Variants in DSTN observed in about 807,000 individuals in gnomAD.
The protein encoded by DSTN is destrin, actin depolymerizing factor.
In DSTN, 10 loss-of-function variants were observed where a neutral mutation model predicts 16.8. The observed-to-expected ratio is 0.60, with a 90% CI of 0.37 to 1.01. The LOEUF is 1.01. Among genes scored for constraint, DSTN ranks in the 50% least tolerant of loss-of-function variants. DSTN has a pLI of 0.01. For synonymous variants in DSTN, 57 were observed against 58.9 expected, an observed-to-expected ratio of 0.97 and a Z score of 0.14; for missense variants, 141 against 196.7, an observed-to-expected ratio of 0.72 and a Z score of 1.69.
chr20:17,585,266 T>C (rs1037983129), intron 1 of DSTN, among the ~76,000 whole-genome samples: 3 of 152,134 alleles, frequency 2.0e-5, no homozygotes, highest in Admixed American at 6.6e-5. Flanking sequence ...TTGGGAGTGA[T>C]AGGAGATTTT....
intron 1 of DSTN, among the ~76,000 whole-genome samples, chr20:17,586,068 G>T (rs1014561112): frequency 5.9e-5 from 9 of 152,238 alleles, no homozygotes; most frequent in African/African-American, 1.4e-4. Context: ...CCGAGAGAGG[G>T]TCTCCCTGGA....
At chr20:17,603,671 T>C (rs1162017503) in intron 2 of DSTN, among the ~76,000 whole-genome samples, 2 of 152,246 alleles carry the variant, frequency 1.3e-5, no homozygotes, top group Non-Finnish European at 2.9e-5. Flanking sequence ...GTGACACATA[T>C]GCTGTGCTTC....
At chr20:17,598,452 C>T (rs145102897) in intron 1 of DSTN, among the ~76,000 whole-genome samples, 120 of 152,282 alleles carry the variant, frequency 7.9e-4, no homozygotes, top group African/African-American at 2.8e-3. Flanking sequence ...TTGCTTTTCC[C>T]TAATCACTAT....
At chr20:17,600,009 G>C (rs1377103053) in intron 1 of DSTN, among the ~76,000 whole-genome samples, 1 of 152,152 alleles carries the variant, frequency 6.6e-6, no homozygotes, top group Non-Finnish European at 1.5e-5. Context: ...TTAAAAACTG[G>C]TTTAAGATCT....
chr20:17,575,181 T>C (rs2035264759), intron 1 of DSTN, among the ~76,000 whole-genome samples: 1 of 152,196 alleles, frequency 6.6e-6, no homozygotes, highest in African/African-American at 2.4e-5. Context: ...TAAATCAAAA[T>C]TGTGTTTAAC....
chr20:17,580,483 C>T (rs370020456), intron 1 of DSTN, among the ~76,000 whole-genome samples: 2 of 152,140 alleles, frequency 1.3e-5, no homozygotes, highest in Non-Finnish European at 2.9e-5. Flanking sequence ...CGTGGTGACT[C>T]ATGCTTGTAA....
chr20:17,579,421 C>CAA (rs111453362), intron 1 of DSTN, among the ~76,000 whole-genome samples: 122 of 146,544 alleles, frequency 8.3e-4, no homozygotes, highest in African/African-American at 2.8e-3. Flanking sequence ...CATAAAATAC[C>CAA]AAAAAAAAAA....
chr20:17,578,386 C>T (rs1387049936), intron 1 of DSTN, among the ~76,000 whole-genome samples: 1 of 152,006 alleles, frequency 6.6e-6, no homozygotes, highest in African/African-American at 2.4e-5. Context: ...TCCCACATAC[C>T]TTTTTTAATG....
At chr20:17,601,259 G>A (rs971784898) in intron 2 of DSTN, among the ~76,000 whole-genome samples, 55 of 135,300 alleles carry the variant, frequency 4.1e-4, no homozygotes, top group Admixed American at 1.1e-3. Flanking sequence ...GTGACTCTCC[G>A]TTTTTGTTTT....
chr20:17,584,652 CAAAAAAAA>C (rs551581639), intron 1 of DSTN, among the ~76,000 whole-genome samples: 2 of 55,710 alleles, frequency 3.6e-5, no homozygotes, highest in African/African-American at 1.3e-4. Flanking sequence ...AACTCCGTCT[CAAAAAAAA>C]AAAAAAAAGG....
chr20:17,600,871 G>A lies in DSTN; in HGVS notation c.137G>A (p.Cys46Tyr). The A allele has an allele frequency of 6.2e-7, 1 of 1,613,872 alleles. No homozygotes were observed. The highest frequency in any genetic ancestry group is 1.1e-5 in the South Asian group (1 of 91,072). ...VIFCLSADKK[C>Y]IIVEEGKEIL... ...TTTTGTCTCAGTGCAGACAAAAAGT[G>A]CATCATTGTAGAAGAAGGCAAAGAG... The change falls in exon 2 of 4, where the codon TGC becomes TAC. Residue 46 changes from cysteine to tyrosine, a missense_variant. Physicochemically the swap from Cys to Tyr is radical, Grantham distance 194. Transcript: ENST00000246069.
intron 1 of DSTN, among the ~76,000 whole-genome samples, chr20:17,583,639 A>G (rs1457696740): frequency 6.9e-6 from 1 of 144,672 alleles, no homozygotes; most frequent in Admixed American, 6.9e-5. Context: ...TCCAGAATAC[A>G]CAGATCCATA....
In DSTN at chr20:17,601,574, T is replaced by G. The variant is rs193122886; in HGVS notation, c.311+529T>G. Among the ~76,000 whole-genome samples, 4 of 152,302 alleles carry G rather than the reference T, an allele frequency of 2.6e-5. No individual in the cohort carries two copies. In the East Asian group the frequency reaches 5.8e-4, roughly 22 times the overall value. On this transcript the variant is annotated intron_variant, in intron 2 of 3. Transcript: ENST00000246069. ...ATTTAAATTATTTAAAATTAAAAAT[T>G]CAGTTTGTTAGCTGAATGAATTACC...
At chr20:17,580,139 A>G (rs2035326751) in intron 1 of DSTN, among the ~76,000 whole-genome samples, 1 of 152,242 alleles carries the variant, frequency 6.6e-6, no homozygotes, top group Admixed American at 6.5e-5. Context: ...ATCATTGTAT[A>G]TAATCAACTT....
intron 2 of DSTN, among the ~76,000 whole-genome samples, chr20:17,604,012 T>A (rs1447018508): frequency 6.6e-6 from 1 of 152,234 alleles, no homozygotes; most frequent in Non-Finnish European, 1.5e-5. Flanking sequence ...TCCTTTTTTT[T>A]AAGTTTTTGA....
At chr20:17,602,505 T>A (rs2035597187) in intron 2 of DSTN, among the ~76,000 whole-genome samples, 1 of 152,194 alleles carries the variant, frequency 6.6e-6, no homozygotes, top group African/African-American at 2.4e-5. Flanking sequence ...CTTATTTTTT[T>A]AAATGTGGAA....
intron 2 of DSTN, among the ~76,000 whole-genome samples, chr20:17,604,143 A>T (rs567334256): frequency 6.6e-6 from 1 of 152,196 alleles, no homozygotes; most frequent in Non-Finnish European, 1.5e-5. Context: ...CTTTTTTCCA[A>T]CTAGAAAAAC....
intron 2 of DSTN, among the ~76,000 whole-genome samples, chr20:17,601,509 T>C (rs1217395655): frequency 6.6e-6 from 1 of 152,234 alleles, no homozygotes; most frequent in Non-Finnish European, 1.5e-5. Flanking sequence ...TGCTCTACAG[T>C]TGCACTGTTT....
intron 2 of DSTN, 91 bp from the exon 3 acceptor site, chr20:17,604,464 C>T (rs2035619909): frequency 1.5e-6 from 2 of 1,324,054 alleles, no homozygotes; most frequent in Non-Finnish European, 2.1e-6. Flanking sequence ...TGAGGATTCT[C>T]AGCAAATGTT....
Sources: allele counts gnomAD v4.1 joint callset (sites outside exome capture counted in the v4.1 genomes callset), GRCh38; gene constraint gnomAD v4.1.1; transcripts MANE v1.5; gene names NCBI Gene and HGNC (gene_info 2026-07-23, HGNC 2026-07-21).